VWA8: variants seen among roughly 807,000 people sequenced by gnomAD.
VWA8 encodes the protein von Willebrand factor A domain-containing protein 8.
A neutral mutation model predicts 241.5 loss-of-function variants in VWA8; 221 were observed. That is an observed-to-expected ratio of 0.91 (90% confidence interval 0.82 to 1.02). The LOEUF (loss-of-function observed/expected upper bound fraction) is 1.02, where lower values mean the gene tolerates loss of function less well. Among genes scored for constraint, VWA8 ranks in the 50% least tolerant of loss-of-function variants. The pLI, the probability that VWA8 is intolerant of heterozygous loss-of-function variation, is 0.00. For synonymous variants in VWA8, 852 were observed against 827.1 expected (o/e 1.03, Z -0.52); for missense variants, 2,322 against 2,328.7 (o/e 1.00, Z 0.06).
chr13:41,824,021 G>T (rs908902428), intron 14 of VWA8, among the ~76,000 whole-genome samples: 7 of 152,132 alleles, frequency 4.6e-5, no homozygotes, highest in African/African-American at 1.7e-4. Flanking sequence ...AGCTCAGAAG[G>T]TCAACTAAAA....
chr13:41,768,255 C>T (rs1168787209), intron 20 of VWA8, among the ~76,000 whole-genome samples: 2 of 152,196 alleles, frequency 1.3e-5, no homozygotes, highest in Non-Finnish European at 2.9e-5. Context: ...AGATATTAAA[C>T]AATTATGCTG....
chr13:41,680,758 G>T (rs926900677), intron 35 of VWA8, among the ~76,000 whole-genome samples: 3 of 152,160 alleles, frequency 2.0e-5, no homozygotes, highest in Admixed American at 6.5e-5. Flanking sequence ...GTTCCCTACA[G>T]ACTCAACATA....
chr13:41,910,309 C>T (rs974424971), intron 3 of VWA8, among the ~76,000 whole-genome samples: 6 of 152,046 alleles, frequency 3.9e-5, no homozygotes, highest in Non-Finnish European at 7.4e-5. Flanking sequence ...ATTAAAAAGG[C>T]TTGGCCGGGC....
intron 21 of VWA8, among the ~76,000 whole-genome samples, chr13:41,740,677 T>G (rs778298366): frequency 1.1e-4 from 17 of 152,184 alleles, no homozygotes; most frequent in Non-Finnish European, 2.4e-4. Context: ...CTCCTGCTGG[T>G]AGGCATTTCA....
At chr13:41,725,822 G>C (rs1288996347) in intron 24 of VWA8, among the ~76,000 whole-genome samples, 1 of 152,118 alleles carries the variant, frequency 6.6e-6, no homozygotes, top group East Asian at 1.9e-4. Context: ...CTTTTCTTTG[G>C]TGTGTTTACA....
intron 37 of VWA8, among the ~76,000 whole-genome samples, chr13:41,653,793 A>G (rs1353048873): frequency 1.3e-5 from 2 of 152,222 alleles, no homozygotes; most frequent in Non-Finnish European, 2.9e-5. Flanking sequence ...CAAAGTCAAC[A>G]AAAACAAGCA....
chr13:41,868,749 G>A (rs958819357), intron 9 of VWA8, among the ~76,000 whole-genome samples: 13 of 151,640 alleles, frequency 8.6e-5, no homozygotes, highest in Non-Finnish European at 1.8e-4. Context: ...TTAGCTGGGC[G>A]TGGTGGCGGG....
intron 39 of VWA8, among the ~76,000 whole-genome samples, chr13:41,605,635 T>C (rs1010532264): frequency 4.6e-5 from 7 of 152,144 alleles, no homozygotes; most frequent in African/African-American, 9.7e-5. Flanking sequence ...GGCTTTGTGG[T>C]ACACACCATT....
intron 37 of VWA8, among the ~76,000 whole-genome samples, chr13:41,659,744 A>G (rs2044935832): frequency 6.6e-6 from 1 of 152,232 alleles, no homozygotes; most frequent in Non-Finnish European, 1.5e-5. Context: ...TTTTATTAGA[A>G]TTCAAAAATA....
chr13:41,863,455 T>TATATATATTCACACA (rs1566485517), intron 12 of VWA8, among the ~76,000 whole-genome samples: 4 of 87,156 alleles, frequency 4.6e-5, no homozygotes, highest in African/African-American at 1.7e-4. Context: ...ATATATATAT[T>TATATATATTCACACA]CACACACACA....
At chr13:41,676,317 C>G (rs528152071) in intron 35 of VWA8, among the ~76,000 whole-genome samples, 2 of 152,170 alleles carry the variant, frequency 1.3e-5, no homozygotes, top group South Asian at 4.1e-4. Context: ...CTGAGGGAAC[C>G]AGGTGGTGAA....
chr13:41,909,320 A>C (rs747074313), intron 3 of VWA8, among the ~76,000 whole-genome samples: 53 of 152,310 alleles, frequency 3.5e-4, no homozygotes, highest in Non-Finnish European at 5.9e-4. Context: ...TGGGCCTCCC[A>C]AAGTGTTGGG....
At chr13:41,711,132 CA>C (rs2045313256) in intron 26 of VWA8, among the ~76,000 whole-genome samples, 1 of 152,160 alleles carries the variant, frequency 6.6e-6, no homozygotes, top group South Asian at 2.1e-4. Context: ...CTACTTTCAT[CA>C]GGGGTAATAC....
At chr13:41,953,724 G>A (rs148261580) in intron 1 of VWA8, among the ~76,000 whole-genome samples, 466 of 152,280 alleles carry the variant, frequency 3.1e-3, no homozygotes, top group African/African-American at 0.011. Context: ...CAGGAGAATT[G>A]CTTGAACCAG....
chr13:41,740,765 A>T (rs1336618060), intron 21 of VWA8, among the ~76,000 whole-genome samples: 2 of 152,158 alleles, frequency 1.3e-5, no homozygotes, highest in African/African-American at 4.8e-5. Context: ...TGGGAAATCT[A>T]CCACTTCAGG....
rs144244743 is a variant in VWA8 at position 41,907,604 on chromosome 13, T to G, written c.465A>C (p.Thr155=). The change falls in exon 4 of 45, where the codon ACA becomes ACC. Residue 155 remains threonine, a synonymous_variant. Transcript: ENST00000379310. ...AACTTGCCTGATCAATGTAAAAGGC[T>G]GTGCCTGCACGGATCTCTCGTCGCT... ...LKQRREIRAG[T]AFYIDQCAVR... The G allele has an allele frequency of 6.9e-4, 1,116 of 1,614,180 alleles. 1 individual carries two copies. Among genetic ancestry groups the G allele is most frequent in the Non-Finnish European group, 9.0e-4 (1,064 of 1,179,992 alleles).
chr13:41,690,887 T>C (rs951488885), intron 32 of VWA8, among the ~76,000 whole-genome samples: 1 of 151,800 alleles, frequency 6.6e-6, no homozygotes, highest in African/African-American at 2.4e-5. Flanking sequence ...CATAACCACA[T>C]CCAAACCAGA....
chr13:41,647,198 C>T (rs1437181626), intron 37 of VWA8, among the ~76,000 whole-genome samples: 1 of 152,190 alleles, frequency 6.6e-6, no homozygotes, highest in Non-Finnish European at 1.5e-5. Context: ...ATGAAGATCA[C>T]TGACTTTGAT....
Position 41,778,046 on chromosome 13 carries a change from A to G in VWA8, c.2288T>C (p.Val763Ala), listed in dbSNP as rs1442014161. ...LFYDNIQHVI[V>A]MEDMLKDFLL... The stretch of plus-strand genomic sequence containing the variant: ...AAAGTCTTTCAGCATATCTTCCATC[A>G]CTATCACATGCTAGAGAAAAAGGAA... The change falls in exon 20 of 45, where the codon GTG becomes GCG. Residue 763 changes from valine to alanine, a missense_variant. By Grantham distance (64) the Val-to-Ala change is moderately conservative. Coordinates refer to ENST00000379310, the MANE Select transcript of VWA8 (RefSeq NM_015058.2). 6.2e-7 allele frequency: 1 copy of G among 1,611,222 alleles called. No homozygotes were observed.
Sources: allele counts gnomAD v4.1 joint callset (sites outside exome capture counted in the v4.1 genomes callset), GRCh38; gene constraint gnomAD v4.1.1; transcripts MANE v1.5; gene names NCBI Gene and HGNC (gene_info 2026-07-23, HGNC 2026-07-21).